Variants in CSRNP3 observed in about 807,000 individuals in gnomAD.
The protein encoded by CSRNP3 is cysteine and serine rich nuclear protein 3.
In CSRNP3, 12 loss-of-function variants were observed where a neutral mutation model predicts 48.0. The observed-to-expected ratio is 0.25, with a 90% CI of 0.16 to 0.41. The LOEUF (loss-of-function observed/expected upper bound fraction) is 0.41. Ranked by LOEUF, CSRNP3 falls within the 10% of genes least tolerant of loss-of-function variation. The probability of loss-of-function intolerance (pLI) is 1.00; values close to 1 mark genes in which losing one functional copy is unlikely to be tolerated. For synonymous variants in CSRNP3, 263 were observed against 269.7 expected, an observed-to-expected ratio of 0.98 and a Z score of 0.24; for missense variants, 580 against 724.4, an observed-to-expected ratio of 0.80 and a Z score of 2.29.
At chr2:165,526,356 C>T (rs1684731721) in intron 3 of CSRNP3, among the ~76,000 whole-genome samples, 1 of 152,082 alleles carries the variant, frequency 6.6e-6, no homozygotes, top group African/African-American at 2.4e-5. Context: ...AAAATATTCA[C>T]TGCATATATG....
intron 4 of CSRNP3, among the ~76,000 whole-genome samples, chr2:165,645,465 C>CAT (rs1686795759): frequency 6.6e-6 from 1 of 152,212 alleles, no homozygotes; most frequent in African/African-American, 2.4e-5. Flanking sequence ...AGAATTTCAA[C>CAT]ATATAAATTT....
intron 3 of CSRNP3, among the ~76,000 whole-genome samples, chr2:165,576,585 T>C (rs1337534435): frequency 6.6e-6 from 1 of 152,062 alleles, no homozygotes; most frequent in Non-Finnish European, 1.5e-5. Context: ...GAGAGCTATA[T>C]ATGTCCTGCA....
At chr2:165,651,780 C>G (rs560719491) in intron 4 of CSRNP3, among the ~76,000 whole-genome samples, 2 of 151,890 alleles carry the variant, frequency 1.3e-5, no homozygotes, top group South Asian at 2.1e-4. Flanking sequence ...CTCAGCCTCC[C>G]GAGTAGCTGG....
intron 2 of CSRNP3, among the ~76,000 whole-genome samples, chr2:165,500,824 T>C (rs1331352865): frequency 6.6e-6 from 1 of 152,134 alleles, no homozygotes; most frequent in Non-Finnish European, 1.5e-5. Flanking sequence ...AAAATGTATA[T>C]ACTTTAAATT....
At chr2:165,540,597 T>C (rs1201799371) in intron 3 of CSRNP3, among the ~76,000 whole-genome samples, 1 of 152,098 alleles carries the variant, frequency 6.6e-6, no homozygotes, top group African/African-American at 2.4e-5. Context: ...CCCTGGAGAC[T>C]CATGCAGACA....
chr2:165,684,971 A>G lies in CSRNP3; in HGVS notation c.*5218A>G, dbSNP rs1204714638. ...CCCTTTCAGCCCAGTTGGTGCTCAC[A>G]TCTGCTGACCAACATTCATATCAAT... On this transcript the variant is annotated 3_prime_UTR_variant, in exon 7 of 7. Transcript: ENST00000651982. 7 of 152,104 alleles carry G rather than the reference A, an allele frequency of 4.6e-5. No individual in the cohort carries two copies. Among genetic ancestry groups the G allele is most frequent in the South Asian group, 2.1e-4 (1 of 4,830 alleles). The allele number at this position is 152,104 out of a possible 1,614,324, so 9.4% of individuals were successfully genotyped here.
intron 1 of CSRNP3, among the ~76,000 whole-genome samples, chr2:165,483,688 G>T (rs908254799): frequency 6.6e-6 from 1 of 152,164 alleles, no homozygotes; most frequent in Non-Finnish European, 1.5e-5. Context: ...CAAGATCAAG[G>T]TGCTGATAGA....
intron 4 of CSRNP3, among the ~76,000 whole-genome samples, chr2:165,617,509 G>T (rs1686267639): frequency 6.6e-6 from 1 of 152,168 alleles, no homozygotes; most frequent in South Asian, 2.1e-4. Flanking sequence ...GGAGACTGTG[G>T]TGCCAGGCAG....
chr2:165,541,155 TAG>T (rs1272364929), intron 3 of CSRNP3, among the ~76,000 whole-genome samples: 2 of 151,948 alleles, frequency 1.3e-5, no homozygotes, highest in Non-Finnish European at 2.9e-5. Flanking sequence ...AATCCCCATC[TAG>T]AGTTTCTGCC....
chr2:165,630,770 T>C (rs1156814979), intron 4 of CSRNP3, among the ~76,000 whole-genome samples: 2 of 152,234 alleles, frequency 1.3e-5, no homozygotes, highest in Non-Finnish European at 2.9e-5. Flanking sequence ...AATTATTGTA[T>C]TTCTCATGTA....
intron 3 of CSRNP3, among the ~76,000 whole-genome samples, chr2:165,552,566 G>C (rs986598134): frequency 6.6e-6 from 1 of 152,072 alleles, no homozygotes; most frequent in South Asian, 2.1e-4. Flanking sequence ...CAACCTAAAA[G>C]GGGCAAATTA....
chr2:165,675,584 G>A (rs1261728005), intron 5 of CSRNP3, among the ~76,000 whole-genome samples: 5 of 152,190 alleles, frequency 3.3e-5, no homozygotes, highest in Non-Finnish European at 7.3e-5. Flanking sequence ...GTTTCCACAT[G>A]AGCTATTATG....
chr2:165,529,455 A>C (rs1467844771), intron 3 of CSRNP3, among the ~76,000 whole-genome samples: 9 of 152,184 alleles, frequency 5.9e-5, no homozygotes, highest in Non-Finnish European at 1.3e-4. Context: ...CCAGGTAAGA[A>C]GTGCCTTTTG....
chr2:165,594,917 C>T (rs918706607), intron 3 of CSRNP3, 126 bp from the exon 4 acceptor site: 10 of 610,254 alleles, frequency 1.6e-5, no homozygotes, highest in Non-Finnish European at 2.4e-5. Context: ...TGCTAAAGAT[C>T]CTTTCAAGGG....
rs1272529551 is a variant in CSRNP3, at chr2:165,666,998, AG to A, written c.408+8979del. ...AAGAGAGAGAGGAAGAAAGAAAGAG[AG>A]AGAGAGGAAGGAAGGAAGGAAAGAG... On this transcript the variant is annotated intron_variant, in intron 5 of 6. Transcript: ENST00000651982. Among the ~76,000 whole-genome samples the A allele has an allele frequency of 1.2e-3, 33 of 26,760 alleles. 1 individual carries two copies. The highest frequency in any genetic ancestry group is 4.6e-3 in the South Asian group (2 of 436). The allele number at this position is 26,760 out of a possible 152,430, so 17.6% of individuals were successfully genotyped here. A position where few individuals can be genotyped will look rare whatever the true frequency, so the allele number is the denominator to read the frequency against.
At chr2:165,644,116 T>G (rs1421912573) in intron 4 of CSRNP3, among the ~76,000 whole-genome samples, 2 of 152,194 alleles carry the variant, frequency 1.3e-5, no homozygotes, top group Non-Finnish European at 2.9e-5. Flanking sequence ...TTTTTAGAGA[T>G]GAGTTTACAA....
chr2:165,574,446 C>A, intron 3 of CSRNP3: 1 of 1,519,360 alleles, frequency 6.6e-7, no homozygotes, highest in Non-Finnish European at 8.9e-7. Context: ...GGTGACATTT[C>A]ATGATGCGCC....
intron 2 of CSRNP3, among the ~76,000 whole-genome samples, chr2:165,515,544 A>T (rs1379865171): frequency 6.6e-6 from 1 of 151,604 alleles, no homozygotes; most frequent in Non-Finnish European, 1.5e-5. Context: ...TCACAAATAT[A>T]GTCAGTTTTC....
intron 4 of CSRNP3, among the ~76,000 whole-genome samples, chr2:165,608,096 A>G (rs1686062345): frequency 6.6e-6 from 1 of 151,026 alleles, no homozygotes; most frequent in Non-Finnish European, 1.5e-5. Flanking sequence ...ATATATATAC[A>G]TAAGTTTAAT....
Sources: allele counts gnomAD v4.1 joint callset (sites outside exome capture counted in the v4.1 genomes callset), GRCh38; gene constraint gnomAD v4.1.1; transcripts MANE v1.5; gene names NCBI Gene and HGNC (gene_info 2026-07-23, HGNC 2026-07-21).